SURF4: variants seen among roughly 807,000 people sequenced by gnomAD.
The protein encoded by SURF4 is surfeit locus protein 4.
In SURF4, 3 loss-of-function variants were observed where a neutral mutation model predicts 30.0. The observed-to-expected ratio is 0.10, with a 90% confidence interval of 0.05 to 0.26. The LOEUF is 0.26. Among genes scored for constraint, SURF4 ranks in the 10% least tolerant of loss-of-function variants. The pLI is 1.00. For synonymous variants in SURF4, 143 were observed against 139.9 expected, an observed-to-expected ratio of 1.02 and a Z score of -0.16; for missense variants, 217 against 350.8, an observed-to-expected ratio of 0.62 and a Z score of 3.05.
chr9:133,375,595 C>T (rs939759151), intron 1 of SURF4, among the ~76,000 whole-genome samples: 2 of 152,208 alleles, frequency 1.3e-5, no homozygotes, highest in African/African-American at 4.8e-5. Flanking sequence ...TCAGACCCGA[C>T]CCAACGCCAG....
At chr9:133,375,725 C>A (rs587677056) in intron 1 of SURF4, among the ~76,000 whole-genome samples, 197 bp downstream of exon 1, 5 of 152,092 alleles carry the variant, frequency 3.3e-5, no homozygotes, top group Admixed American at 2.6e-4. Context: ...GCCCAGCGGG[C>A]AGGGGAGACT....
At chr9:133,376,373 T>C (rs1284951890), upstream of SURF4, 2 of 1,410,676 alleles carry the variant, frequency 1.4e-6, no homozygotes, top group Non-Finnish European at 1.9e-6. Context: ...CCTGAGTGCC[T>C]CGAGGGCGCC....
At chr9:133,376,104 G>C, upstream of SURF4, 1 of 1,203,554 alleles carries the variant, frequency 8.3e-7, no homozygotes, top group Non-Finnish European at 1.0e-6. Context: ...GGCTCCAGCG[G>C]CTGCCACGTA....
intron 1 of SURF4, among the ~76,000 whole-genome samples, chr9:133,369,858 C>T (rs2130173696): frequency 6.6e-6 from 1 of 152,206 alleles, no homozygotes; most frequent in Non-Finnish European, 1.5e-5. Flanking sequence ...GAAAAGCAAC[C>T]ACTGGGAAGG....
upstream of SURF4, chr9:133,376,119 A>C (rs937167067): frequency 3.3e-6 from 4 of 1,202,530 alleles, no homozygotes; most frequent in African/African-American, 4.8e-5. Flanking sequence ...CACGTAGGCC[A>C]AGCCTTAAAG....
intron 5 of SURF4, among the ~76,000 whole-genome samples, chr9:133,364,320 T>C (rs1028488016): frequency 6.6e-6 from 1 of 152,106 alleles, no homozygotes; most frequent in Admixed American, 6.5e-5. Context: ...AGGTCAGAGG[T>C]TCTGGCCTTC....
intron 1 of SURF4, among the ~76,000 whole-genome samples, 176 bp downstream of exon 1, chr9:133,375,746 G>A (rs1015740777): frequency 2.0e-5 from 3 of 152,112 alleles, no homozygotes; most frequent in Non-Finnish European, 2.9e-5. Context: ...GGGCCCGGAG[G>A]CCGGGTTTGG....
chr9:133,376,107 G>C, upstream of SURF4: 1 of 1,203,106 alleles, frequency 8.3e-7, no homozygotes, highest in Non-Finnish European at 1.0e-6. Flanking sequence ...TCCAGCGGCT[G>C]CCACGTAGGC....
At chr9:133,368,941 T>G (rs1250606902) in intron 1 of SURF4, among the ~76,000 whole-genome samples, 5 of 152,310 alleles carry the variant, frequency 3.3e-5, no homozygotes, top group Non-Finnish European at 4.4e-5. Flanking sequence ...TGCACAGGCC[T>G]CCTAGGGCTG....
At chr9:133,376,466 T>C (rs2130248154), upstream of SURF4, 9 of 1,580,842 alleles carry the variant, frequency 5.7e-6, no homozygotes, top group Non-Finnish European at 7.7e-6. Flanking sequence ...ACGCGGTCGC[T>C]ACTGATCATG....
chr9:133,367,977 G>A (rs918109493), intron 1 of SURF4, among the ~76,000 whole-genome samples: 3 of 152,208 alleles, frequency 2.0e-5, no homozygotes, highest in African/African-American at 4.8e-5. Flanking sequence ...TATGACGCAC[G>A]ACATGTCTGC....
At chr9:133,366,990 C>G (rs1307968066) in intron 2 of SURF4, among the ~76,000 whole-genome samples, 1 of 152,218 alleles carries the variant, frequency 6.6e-6, no homozygotes, top group African/African-American at 2.4e-5. Context: ...CAGCCAGACT[C>G]CAGCATCTCC....
chr9:133,363,678 C>G lies in SURF4; in HGVS notation c.625G>C (p.Val209Leu). ...FKTKLAALTL[V>L]VWLFAINVYF... ...ACGTTGATGGCAAAGAGCCACACAACAAGAGTCAAAGCAGCCAGCTTGGTT... is the reference window on the plus strand; with the variant it reads ...ACGTTGATGGCAAAGAGCCACACAAGAAGAGTCAAAGCAGCCAGCTTGGTT... The change falls in exon 6 of 6, where the codon GTT becomes CTT. Residue 209 changes from valine to leucine, a missense_variant. Transcript: ENST00000371989. This position sits in a 1 kb window ranked among gnomAD's most constrained non-coding sequence, Gnocchi z 4.3. 1 of 1,614,194 alleles carries G rather than the reference C, an allele frequency of 6.2e-7. No individual in the cohort carries two copies. The highest frequency in any genetic ancestry group is 8.5e-7 in the Non-Finnish European group (1 of 1,180,040).
intron 1 of SURF4, chr9:133,370,798 A>G: frequency 1.8e-6 from 2 of 1,107,694 alleles, no homozygotes; most frequent in Non-Finnish European, 2.4e-6. Flanking sequence ...CCTCCCCCCC[A>G]TTAGAGAACT....
chr9:133,367,595 A>G, intron 1 of SURF4, 150 bp from the exon 2 acceptor site: 2 of 1,514,650 alleles, frequency 1.3e-6, no homozygotes, highest in Non-Finnish European at 1.8e-6. Context: ...AGGGCAGACT[A>G]GGGGGCTCTC....
upstream of SURF4, chr9:133,376,275 G>A (rs1837935132): frequency 1.5e-6 from 2 of 1,313,820 alleles, no homozygotes; most frequent in African/African-American, 1.6e-5. Flanking sequence ...CCGCGCGCAG[G>A]CCCTGCGGTC....
chr9:133,376,230 C>T, upstream of SURF4: 1 of 1,285,764 alleles, frequency 7.8e-7, no homozygotes, highest in South Asian at 2.6e-5. Flanking sequence ...CCGCCGCGCT[C>T]GACGCCACGC....
chr9:133,364,481 A>G (rs746394710), intron 5 of SURF4, among the ~76,000 whole-genome samples: 1 of 152,148 alleles, frequency 6.6e-6, no homozygotes, highest in Non-Finnish European at 1.5e-5. Flanking sequence ...ACGAGGGGTC[A>G]GGAGATCGAG....
intron 1 of SURF4, chr9:133,375,136 C>T (rs953450776): frequency 1.5e-5 from 12 of 815,168 alleles, no homozygotes; most frequent in Middle Eastern, 6.1e-4. Flanking sequence ...GAGTTGTGTC[C>T]CTTCACTTTG....
Sources: allele counts gnomAD v4.1 joint callset (sites outside exome capture counted in the v4.1 genomes callset), GRCh38; gene constraint gnomAD v4.1.1; non-coding constraint Gnocchi (gnomAD v3.1); transcripts MANE v1.5; gene names NCBI Gene and HGNC (gene_info 2026-07-23, HGNC 2026-07-21).